The following BRD10 variants were observed in gnomAD, a reference collection of about 807,000 sequenced individuals.
The protein encoded by BRD10 is bromodomain containing 10, also known as uncharacterized bromodomain-containing protein 10.
At chr9:5,947,148 A>G in the BRD10 span, among the ~76,000 whole-genome samples, 2 of 152,164 alleles carry the variant, frequency 1.3e-5, no homozygotes, top group African/African-American at 4.8e-5. Flanking sequence ...GCTACATAAA[A>G]TAACACTTTC....
chr9:5,895,330 C>A, the BRD10 span, among the ~76,000 whole-genome samples: 1 of 151,986 alleles, frequency 6.6e-6, no homozygotes, highest in East Asian at 1.9e-4. Context: ...TCCCTGCCCC[C>A]ATTGCTGTTT....
the BRD10 span, among the ~76,000 whole-genome samples, chr9:6,002,110 C>T: frequency 6.6e-6 from 1 of 152,210 alleles, no homozygotes; most frequent in South Asian, 2.1e-4. Context: ...GTTTGAGACT[C>T]ATGGTTTAAA....
chr9:5,906,367 A>T, the BRD10 span, among the ~76,000 whole-genome samples: 1 of 151,628 alleles, frequency 6.6e-6, no homozygotes, highest in South Asian at 2.1e-4. Flanking sequence ...AGAAAAAAAA[A>T]GTTTTTATTT....
chr9:5,938,663 G>C, the BRD10 span, among the ~76,000 whole-genome samples: 1 of 151,896 alleles, frequency 6.6e-6, no homozygotes, highest in African/African-American at 2.4e-5. Flanking sequence ...CAGGTAAAAA[G>C]CACATTTTAT....
chr9:5,959,494 G>C, the BRD10 span, among the ~76,000 whole-genome samples: 516 of 152,196 alleles, frequency 3.4e-3, 3 homozygotes, highest in African/African-American at 0.011. Context: ...ACAGTGCCTG[G>C]CATACAATAA....
the BRD10 span, among the ~76,000 whole-genome samples, chr9:5,913,635 A>T: frequency 6.6e-6 from 1 of 152,224 alleles, no homozygotes; most frequent in Admixed American, 6.5e-5. Flanking sequence ...AAGGTGATAC[A>T]CTTGCCTGTC....
chr9:5,985,785 C>CA, the BRD10 span, among the ~76,000 whole-genome samples: 85,344 of 143,828 alleles, frequency 0.59, 25,585 homozygotes, highest in Non-Finnish European at 0.71. Flanking sequence ...AACTCCGTCT[C>CA]AAAAAAAATA....
the BRD10 span, among the ~76,000 whole-genome samples, chr9:5,961,451 T>C: frequency 6.6e-6 from 1 of 152,136 alleles, no homozygotes; most frequent in Non-Finnish European, 1.5e-5. Context: ...CCAAATGATC[T>C]GAATTTTTTT....
the BRD10 span, chr9:5,929,172 T>A: frequency 7.8e-7 from 1 of 1,283,452 alleles, no homozygotes; most frequent in Admixed American, 1.8e-5. Context: ...AAAAATAATG[T>A]TTAAAGTAAA....
chr9:5,984,273 G>A, the BRD10 span, among the ~76,000 whole-genome samples: 3 of 152,086 alleles, frequency 2.0e-5, no homozygotes, highest in Non-Finnish European at 2.9e-5. Flanking sequence ...TACAATAACA[G>A]TGTATTGGGG....
At chr9:5,988,450 C>T in the BRD10 span, 13 of 1,613,678 alleles carry the variant, frequency 8.1e-6, no homozygotes, top group East Asian at 2.2e-5. Flanking sequence ...CGGTGTTGAC[C>T]GACGCCTTGT....
chr9:5,982,978 T>C, the BRD10 span, among the ~76,000 whole-genome samples: 9 of 152,216 alleles, frequency 5.9e-5, no homozygotes, highest in Non-Finnish European at 1.0e-4. Context: ...ATTGTTTTTT[T>C]CCCCAAACAT....
At chr9:5,945,540 A>G in the BRD10 span, among the ~76,000 whole-genome samples, 1 of 152,080 alleles carries the variant, frequency 6.6e-6, no homozygotes, top group East Asian at 1.9e-4. Flanking sequence ...AACCATCTCC[A>G]CAGATAGCAT....
chr9:5,893,407 G>T, the BRD10 span, among the ~76,000 whole-genome samples: 2 of 152,220 alleles, frequency 1.3e-5, no homozygotes, highest in African/African-American at 4.8e-5. Flanking sequence ...GGAAAGAGCT[G>T]TTGAACAATC....
At chr9:6,002,502 T>C in the BRD10 span, among the ~76,000 whole-genome samples, 2 of 152,052 alleles carry the variant, frequency 1.3e-5, no homozygotes, top group Non-Finnish European at 1.5e-5. Context: ...TGAGGAGAAA[T>C]AAACATTTTG....
At chr9:5,911,537 CTTTT>C in the BRD10 span, among the ~76,000 whole-genome samples, 2 of 141,254 alleles carry the variant, frequency 1.4e-5, no homozygotes, top group South Asian at 2.3e-4. Flanking sequence ...CTTTTCTTTT[CTTTT>C]CTTTTTTTTT....
chr9:5,984,005 A>ACACACACACACACC, the BRD10 span, among the ~76,000 whole-genome samples: 2 of 145,088 alleles, frequency 1.4e-5, no homozygotes, highest in Non-Finnish European at 3.1e-5. Context: ...ACACACACAC[A>ACACACACACACACC]CCCCTCTCCA....
chr9:5,897,654 G>A, the BRD10 span: 2 of 1,612,800 alleles, frequency 1.2e-6, no homozygotes, highest in South Asian at 1.1e-5. Context: ...AGCCTTGATG[G>A]TTGGTAAAGT....
chr9:5,924,813 C>T, the BRD10 span: 2 of 1,534,962 alleles, frequency 1.3e-6, no homozygotes, highest in African/African-American at 1.4e-5. Flanking sequence ...AGGTTGTCTT[C>T]TGAAATCATC....
Sources: allele counts gnomAD v4.1 joint callset (sites outside exome capture counted in the v4.1 genomes callset), GRCh38; gene constraint gnomAD v4.1.1; transcripts MANE v1.5; gene names NCBI Gene and HGNC (gene_info 2026-07-23, HGNC 2026-07-21).